NSD1: variants seen among roughly 807,000 people sequenced by gnomAD.
NSD1 encodes the protein histone-lysine N-methyltransferase, H3 lysine-36 specific.
Under a neutral mutation model 242.7 loss-of-function variants are expected in NSD1, and 26 were observed. The ratio of observed to expected loss-of-function variants is 0.11; its 90% confidence interval spans 0.08 to 0.15. The LOEUF is 0.15. Among genes scored for constraint, NSD1 ranks in the 10% least tolerant of loss-of-function variants. The pLI, the probability that NSD1 is intolerant of heterozygous loss-of-function variation, is 1.00. For missense variants in NSD1, 2,495 were observed against 3,272.8 expected, an observed-to-expected ratio of 0.76 and a Z score of 5.80; for synonymous variants, 1,106 against 1,178.1, an observed-to-expected ratio of 0.94 and a Z score of 1.25.
Position 177,295,386 on chromosome 5 carries a change from C to T in NSD1, c.8018C>T (p.Pro2673Leu), listed in dbSNP as rs1554208207. The T allele has an allele frequency of 6.2e-7, 1 of 1,614,110 alleles. No homozygotes were observed. The highest frequency in any genetic ancestry group is 8.5e-7 in the Non-Finnish European group (1 of 1,180,050). ...CTTGGAAGAGGGCAAGACCCCAAAC[C>T]AGAGCAAAATACACTTCCAGCTCTT... Reference protein sequence around the residue: ...WSLGRGQDPKPEQNTLPALNQ... With the variant: ...WSLGRGQDPKLEQNTLPALNQ... The change falls in exon 23 of 23, where the codon CCA becomes CTA. Residue 2673 changes from proline to leucine, a missense_variant. Around this residue, in one of 19 missense-constraint regions of NSD1, gnomAD observed 475 missense variants for 563.7 expected, o/e 0.84. Transcript: ENST00000439151. This position sits in a 1 kb window ranked among gnomAD's most constrained non-coding sequence, Gnocchi z 4.3.
chr5:177,296,247 A>AGATC lies in NSD1; in HGVS notation c.*789_*792dup. 1 of 234,504 alleles carries AGATC rather than the reference A, an allele frequency of 4.3e-6. No individual in the cohort carries two copies. Among genetic ancestry groups the AGATC allele is most frequent in the East Asian group, 6.0e-5 (1 of 16,616 alleles). The allele number at this position is 234,504 out of a possible 1,614,324, so 14.5% of individuals were successfully genotyped here. ...TTTGTCTGGGCTGTGCAGAGTCTCAAGATCAGTCCTTGGAGGAGCAGGTGG... is the reference window on the plus strand; with the variant it reads ...TTTGTCTGGGCTGTGCAGAGTCTCAAGATCGATCAGTCCTTGGAGGAGCAGGTGG... On this transcript the variant is annotated 3_prime_UTR_variant, in exon 23 of 23. Transcript: ENST00000439151.
intron 14 of NSD1, among the ~76,000 whole-genome samples, 170 bp downstream of exon 14, chr5:177,260,338 A>ATTTTTT (rs1756890507): frequency 1.6e-5 from 2 of 124,054 alleles, no homozygotes; most frequent in Non-Finnish European, 3.5e-5. Flanking sequence ...ACATAGCAGA[A>ATTTTTT]CTTTTTTTTT....
rs1163317070 is a variant in NSD1, at chr5:177,294,925, A to G, written c.7557A>G (p.Ala2519=). ...VSDPLQTSGK[A]AAPSEDPWQA... is the part of the protein sequence containing the mutation. ...ATCCTCTTCAGACATCTGGGAAAGC[A>G]GCAGCCCCTTCAGAGGACCCCTGGC... The change falls in exon 23 of 23, where the codon GCA becomes GCG. Residue 2519 remains alanine (A), a synonymous_variant. Transcript: ENST00000439151. 5.0e-6 allele frequency: 8 copies of G among 1,614,098 alleles called. No homozygotes were observed. Among genetic ancestry groups the G allele is most frequent in the Non-Finnish European group, 6.8e-6 (8 of 1,180,050 alleles).
At chr5:177,207,383 C>T (rs1168070346) in intron 4 of NSD1, among the ~76,000 whole-genome samples, 1 of 151,236 alleles carries the variant, frequency 6.6e-6, no homozygotes, top group Non-Finnish European at 1.5e-5. Context: ...CCCGGGTTCA[C>T]GCCATTCTCC....
At chr5:177,228,562 T>G (rs944702086) in intron 5 of NSD1, among the ~76,000 whole-genome samples, 7 of 151,772 alleles carry the variant, frequency 4.6e-5, no homozygotes, top group Non-Finnish European at 8.8e-5. Context: ...GGTTTTGGGG[T>G]TTTTGCCTTT....
chr5:177,174,603 G>A (rs1760023911), intron 2 of NSD1, among the ~76,000 whole-genome samples: 1 of 151,782 alleles, frequency 6.6e-6, no homozygotes, highest in East Asian at 1.9e-4. Context: ...TTGTCACCCA[G>A]GCTGGAGTGC....
intron 13 of NSD1, 73 bp downstream of exon 13, chr5:177,257,224 C>CTTTTTTTTTTTTTTT (rs1343529552): frequency 2.3e-6 from 2 of 877,904 alleles, no homozygotes; most frequent in African/African-American, 1.8e-5. Context: ...TTTCTTTTTT[C>CTTTTTTTTTTTTTTT]TTTCTTTTTT....
At chr5:177,176,456 C>G (rs1052898070) in intron 2 of NSD1, among the ~76,000 whole-genome samples, 1 of 149,752 alleles carries the variant, frequency 6.7e-6, no homozygotes, top group African/African-American at 2.5e-5. Context: ...TTTAAAGAGA[C>G]AGTATCTTGC....
chr5:177,185,470 C>T lies in NSD1; in HGVS notation c.928-6414C>T, dbSNP rs1053876645. Among the ~76,000 whole-genome samples the T allele has an allele frequency of 2.9e-4, 44 of 150,754 alleles. 1 individual carries two copies. The highest frequency in any genetic ancestry group is 9.5e-4 in the African/African-American group (39 of 41,012). On this transcript the variant is annotated intron_variant, in intron 2 of 22. Transcript: ENST00000439151. ...AAAATTAGCCGGGCATGGTGGCAGGCGCCTGTAATCCCAGCTACTCGGGAG... is the reference window on the plus strand; with the variant it reads ...AAAATTAGCCGGGCATGGTGGCAGGTGCCTGTAATCCCAGCTACTCGGGAG...
intron 9 of NSD1, 59 bp from the exon 10 acceptor site, chr5:177,246,619 A>C: frequency 8.9e-7 from 1 of 1,120,130 alleles, no homozygotes; most frequent in Non-Finnish European, 1.4e-6. Flanking sequence ...ATAATAGGAT[A>C]AGAGATTTTG....
intron 17 of NSD1, among the ~76,000 whole-genome samples, chr5:177,277,774 A>T (rs1758517993): frequency 1.3e-5 from 2 of 152,340 alleles, no homozygotes; most frequent in Non-Finnish European, 2.9e-5. Flanking sequence ...GAGCCTGGAA[A>T]GTCAACGCTG....
At chr5:177,217,004 TAC>T (rs1415957392) in intron 5 of NSD1, among the ~76,000 whole-genome samples, 2 of 151,916 alleles carry the variant, frequency 1.3e-5, no homozygotes, top group African/African-American at 4.8e-5. Flanking sequence ...TCTTTGAAAT[TAC>T]ACACTAATTT....
rs915566947 is a variant in NSD1, at chr5:177,296,480, T to C, written c.*1021T>C. ...AGGGAATCTCTGGCAAGCTCTGAGC[T>C]AGACACACCAGCTTCAGGAAGAGTA... On this transcript the variant is annotated 3_prime_UTR_variant, in exon 23 of 23. Coordinates refer to ENST00000439151, the MANE Select transcript of NSD1 (RefSeq NM_022455.5). 1 of 233,188 alleles carries C rather than the reference T, an allele frequency of 4.3e-6. No homozygotes were observed. The highest frequency in any genetic ancestry group is 8.5e-6 in the Non-Finnish European group (1 of 118,080). The allele number at this position is 233,188 out of a possible 1,614,324, so 14.4% of individuals were successfully genotyped here.
chr5:177,240,982 G>A (rs1216690604), intron 8 of NSD1, among the ~76,000 whole-genome samples: 1 of 152,098 alleles, frequency 6.6e-6, no homozygotes, highest in Non-Finnish European at 1.5e-5. Flanking sequence ...TTGCGCTATT[G>A]CACTCCACCC....
chr5:177,158,273 CTTTCTTTCTTTCTTTCTTTCTTT>C (rs1409247451), intron 2 of NSD1, among the ~76,000 whole-genome samples: 12 of 103,560 alleles, frequency 1.2e-4, no homozygotes, highest in Non-Finnish European at 1.9e-4. Flanking sequence ...TTCTTTCTTT[CTTTCTTTCTTTCTTTCTTTCTTT>C]CTTTCTTTTC....
At chr5:177,235,966 A>C (rs759332561) in intron 6 of NSD1, 21 bp downstream of exon 6, 2 of 1,613,618 alleles carry the variant, frequency 1.2e-6, no homozygotes, top group African/African-American at 2.7e-5. Context: ...AAATTTCAGC[A>C]AACTTTCACT....
intron 2 of NSD1, among the ~76,000 whole-genome samples, chr5:177,159,841 G>A (rs904937442): frequency 6.6e-6 from 1 of 151,000 alleles, no homozygotes; most frequent in Non-Finnish European, 1.5e-5. Flanking sequence ...CGCCTGCCTC[G>A]GCCTCCCAAA....
intron 4 of NSD1, among the ~76,000 whole-genome samples, chr5:177,209,319 G>A (rs1307437020): frequency 1.3e-5 from 2 of 151,824 alleles, no homozygotes; most frequent in Admixed American, 1.3e-4. Flanking sequence ...CTTCAGGTCA[G>A]GAGTTTGAGA....
chr5:177,135,857 G>A lies in NSD1; in HGVS notation c.754G>A (p.Ala252Thr), dbSNP rs1756277889. ...NEVDGSNEKA[A>T]LLPAPFSLGD... The stretch of plus-strand genomic sequence containing the variant: ...AGTGGACGGCAGCAATGAAAAAGCA[G>A]CCCTTCTCCCAGCCCCCTTTTCACT... The change falls in exon 2 of 23, where the codon GCC becomes ACC. Residue 252 changes from alanine (A) to threonine (T), a missense_variant. This residue lies in a region of NSD1 where 376 missense variants were observed against 367.4 expected (regional missense o/e 1.02). Transcript: ENST00000439151. The A allele has an allele frequency of 6.2e-7, 1 of 1,605,938 alleles. No homozygotes were observed. Among genetic ancestry groups the A allele is most frequent in the Non-Finnish European group, 8.5e-7 (1 of 1,174,020 alleles).
Sources: gnomAD v4.1 joint callset for allele counts (sites outside exome capture counted in the v4.1 genomes callset) on GRCh38, gnomAD v4.1.1 for gene constraint, gnomAD v4.1.1 regional missense constraint, Gnocchi (gnomAD v3.1) non-coding constraint, MANE v1.5 for transcripts, NCBI Gene and HGNC (gene_info 2026-07-23, HGNC 2026-07-21) for gene names.